NKAIN2: variants seen among roughly 807,000 people sequenced by gnomAD.
NKAIN2 encodes sodium/potassium-transporting ATPase subunit beta-1-interacting protein 2.
A neutral mutation model predicts 32.6 loss-of-function variants in NKAIN2; 14 were observed. The ratio of observed to expected loss-of-function variants is 0.43; its 90% CI spans 0.28 to 0.67. NKAIN2 has a LOEUF of 0.67. Ranked by LOEUF, NKAIN2 falls within the 30% of genes least tolerant of loss-of-function variation. The probability of loss-of-function intolerance (pLI) is 0.17; values close to 1 mark genes in which losing one functional copy is unlikely to be tolerated. For synonymous variants in NKAIN2, 80 were observed against 87.2 expected (o/e 0.92, Z 0.46); for missense variants, 198 against 258.3 (o/e 0.77, Z 1.60).
At chr6:124,793,678 TCAAAA>T (rs994999269) in intron 5 of NKAIN2, among the ~76,000 whole-genome samples, 4 of 57,454 alleles carry the variant, frequency 7.0e-5, no homozygotes, top group East Asian at 4.2e-4. Context: ...GACATACTGC[TCAAAA>T]AAAAAAAAAA....
At chr6:124,245,888 A>G (rs1375681163) in intron 1 of NKAIN2, among the ~76,000 whole-genome samples, 1 of 152,130 alleles carries the variant, frequency 6.6e-6, no homozygotes, top group Non-Finnish European at 1.5e-5. Flanking sequence ...GATACGCATA[A>G]GTTGCTTAAA....
chr6:124,740,092 A>T (rs1583769710), intron 4 of NKAIN2, among the ~76,000 whole-genome samples: 2 of 150,260 alleles, frequency 1.3e-5, no homozygotes, highest in Admixed American at 6.6e-5. Context: ...TTCACTCAAA[A>T]CTTCTCATTC....
chr6:124,147,170 G>A (rs1297301847), intron 1 of NKAIN2, among the ~76,000 whole-genome samples: 2 of 151,976 alleles, frequency 1.3e-5, no homozygotes, highest in Non-Finnish European at 2.9e-5. Context: ...CACAGCATGG[G>A]GCATGCTGCG....
At chr6:124,121,867 T>A in intron 1 of NKAIN2, 5 of 1,148,546 alleles carry the variant, frequency 4.4e-6, no homozygotes, top group Non-Finnish European at 5.7e-6. Flanking sequence ...GTCCCTCTGG[T>A]ATATTTACAG....
At chr6:124,479,856 CA>C (rs931942870) in intron 3 of NKAIN2, among the ~76,000 whole-genome samples, 10 of 151,284 alleles carry the variant, frequency 6.6e-5, no homozygotes, top group East Asian at 5.8e-4. Flanking sequence ...ACAATAACAA[CA>C]AAAAAAGCAG....
chr6:124,003,077 A>T (rs949758574), intron 1 of NKAIN2, among the ~76,000 whole-genome samples: 4 of 152,234 alleles, frequency 2.6e-5, no homozygotes, highest in Non-Finnish European at 4.4e-5. Flanking sequence ...CTTCTTAACC[A>T]GAGCAGACAA....
At chr6:124,718,796 C>T (rs1415762) in intron 4 of NKAIN2, among the ~76,000 whole-genome samples, 70,690 of 151,870 alleles carry the variant, frequency 0.47, 16,784 homozygotes, top group African/African-American at 0.53. Flanking sequence ...AAAAATCTTC[C>T]GAATCTTCTA....
chr6:124,598,661 T>A (rs1782189096), intron 3 of NKAIN2, among the ~76,000 whole-genome samples: 1 of 132,604 alleles, frequency 7.5e-6, no homozygotes, highest in Non-Finnish European at 1.6e-5. Flanking sequence ...AATAGAGAAG[T>A]ACAGTGAAGA....
At chr6:124,496,934 T>C (rs539018723) in intron 3 of NKAIN2, among the ~76,000 whole-genome samples, 12 of 152,198 alleles carry the variant, frequency 7.9e-5, no homozygotes, top group African/African-American at 2.6e-4. Context: ...AGTGGCAATA[T>C]TGTTGCTAAA....
chr6:124,392,697 A>G (rs1773195413), intron 3 of NKAIN2, among the ~76,000 whole-genome samples: 1 of 152,174 alleles, frequency 6.6e-6, no homozygotes, highest in South Asian at 2.1e-4. Context: ...AGAAAAAAAT[A>G]CAATTCTTCC....
chr6:124,421,457 A>G (rs1319591345), intron 3 of NKAIN2, among the ~76,000 whole-genome samples: 1 of 152,206 alleles, frequency 6.6e-6, no homozygotes, highest in African/African-American at 2.4e-5. Context: ...CCATCCACGC[A>G]CAGCAGAAAT....
intron 1 of NKAIN2, among the ~76,000 whole-genome samples, chr6:124,226,960 G>C (rs567748924): frequency 6.6e-6 from 1 of 152,082 alleles, no homozygotes; most frequent in East Asian, 1.9e-4. Context: ...AATAGAAATA[G>C]AGTATTTATA....
intron 5 of NKAIN2, among the ~76,000 whole-genome samples, chr6:124,806,173 A>G (rs1318693322): frequency 4.6e-5 from 7 of 152,186 alleles, no homozygotes; most frequent in Non-Finnish European, 7.3e-5. Flanking sequence ...GAGCAACTCC[A>G]AGACATATAA....
intron 1 of NKAIN2, among the ~76,000 whole-genome samples, chr6:123,826,959 C>G (rs1774173345): frequency 1.3e-5 from 2 of 152,084 alleles, no homozygotes; most frequent in South Asian, 4.1e-4. Flanking sequence ...ACATTCCCAC[C>G]AGCAGTGCAT....
At chr6:123,887,360 C>G (rs554022083) in intron 1 of NKAIN2, among the ~76,000 whole-genome samples, 124 of 152,198 alleles carry the variant, frequency 8.1e-4, no homozygotes, top group African/African-American at 2.8e-3. Flanking sequence ...CACTTTATTG[C>G]GTGACTTATT....
At chr6:124,221,171 G>A (rs1791794854) in intron 1 of NKAIN2, among the ~76,000 whole-genome samples, 2 of 151,854 alleles carry the variant, frequency 1.3e-5, no homozygotes, top group South Asian at 4.2e-4. Flanking sequence ...GTCCAACAAT[G>A]ATAGACTGGA....
rs147285950 is a variant in NKAIN2 at position 123,821,204 on chromosome 6, C to T, written c.54+16950C>T. ...AAAGGGGAATTCTGTAGAAGTGAGA[C>T]GTAGCCACTGGATATTTACATCATT... On this transcript the variant is annotated intron_variant, in intron 1 of 6. Coordinates refer to ENST00000368417, the MANE Select transcript of NKAIN2 (RefSeq NM_001040214.3). Among the ~76,000 whole-genome samples, 346 of 152,222 alleles carry T rather than the reference C, an allele frequency of 2.3e-3. 2 individuals are homozygous for T. The highest frequency in any genetic ancestry group is 8.0e-3 in the African/African-American group (331 of 41,544).
chr6:124,622,430 C>T (rs954491179), intron 3 of NKAIN2, among the ~76,000 whole-genome samples: 6 of 152,260 alleles, frequency 3.9e-5, no homozygotes, highest in South Asian at 2.1e-4. Context: ...TCTCCATCCC[C>T]GTAGTAGTGT....
chr6:124,130,526 GTA>G (rs1786420586), intron 1 of NKAIN2, among the ~76,000 whole-genome samples: 1 of 150,592 alleles, frequency 6.6e-6, no homozygotes, highest in Non-Finnish European at 1.5e-5. Flanking sequence ...TTTTTCTCTT[GTA>G]TTTGCATGCA....
Sources: allele counts gnomAD v4.1 joint callset (sites outside exome capture counted in the v4.1 genomes callset), GRCh38; gene constraint gnomAD v4.1.1; transcripts MANE v1.5; gene names NCBI Gene and HGNC (gene_info 2026-07-23, HGNC 2026-07-21).